The following NAV1 variants were observed in gnomAD, a reference collection of about 807,000 sequenced individuals.
The protein encoded by NAV1 is pore membrane and/or filament interacting like protein 3.
A neutral mutation model predicts 175.2 loss-of-function variants in NAV1; 18 were observed. The observed-to-expected ratio is 0.10, with a 90% CI of 0.07 to 0.15. The LOEUF (loss-of-function observed/expected upper bound fraction) is 0.15. Among genes scored for constraint, NAV1 ranks in the 10% least tolerant of loss-of-function variants. The pLI is 1.00. For synonymous variants in NAV1, 897 were observed against 978.7 expected (o/e 0.92, Z 1.56); for missense variants, 1,731 against 2,436.6 (o/e 0.71, Z 6.10).
At chr1:201,819,489 C>T (rs1188510400) in intron 29 of NAV1, among the ~76,000 whole-genome samples, 2 of 139,476 alleles carry the variant, frequency 1.4e-5, no homozygotes, top group South Asian at 2.2e-4. Context: ...CAGAGTCTTG[C>T]TCTTTCATCC....
chr1:201,804,570 C>A, intron 17 of NAV1, 73 bp downstream of exon 21: 4 of 1,042,022 alleles, frequency 3.8e-6, no homozygotes, highest in Middle Eastern at 2.1e-4. Context: ...CAGAGCAACT[C>A]CCTTCCCCTA....
At chr1:201,586,640 G>A (rs961072280) in intron 1 of NAV1, among the ~76,000 whole-genome samples, 1 of 152,122 alleles carries the variant, frequency 6.6e-6, no homozygotes, top group African/African-American at 2.4e-5. Context: ...ACACATGGGG[G>A]TGGGAGAGGA....
At chr1:201,684,543 C>G (rs1053080218) in intron 1 of NAV1, among the ~76,000 whole-genome samples, 2 of 144,082 alleles carry the variant, frequency 1.4e-5, no homozygotes, top group Admixed American at 1.4e-4. Flanking sequence ...GGCTTGATCT[C>G]GGCTCACTGC....
chr1:201,597,662 G>A (rs1434807426), intron 2 of NAV1, among the ~76,000 whole-genome samples: 1 of 152,230 alleles, frequency 6.6e-6, no homozygotes, highest in East Asian at 1.9e-4. Context: ...GGCCAAGCTG[G>A]GAGGACCTGA....
intron 2 of NAV1, among the ~76,000 whole-genome samples, chr1:201,639,339 T>C (rs1430198719): frequency 6.6e-6 from 1 of 152,182 alleles, no homozygotes; most frequent in African/African-American, 2.4e-5. Context: ...GTCAGAGATA[T>C]GCTTCTCTGC....
At chr1:201,802,473 A>AAAAAAAG (rs1677988292) in intron 15 of NAV1, among the ~76,000 whole-genome samples, 4 of 113,118 alleles carry the variant, frequency 3.5e-5, no homozygotes, top group Non-Finnish European at 5.5e-5. Context: ...AAAAAAAAAA[A>AAAAAAAG]AAAGAAAGAA....
Position 201,817,068 on chromosome 1 carries a change from A to C in NAV1, c.5341-20A>C. Reference sequence around the variant, plus strand: ...AATCTGTTAATTCCCCACAGTAATCATATTTCACCTTCTTTCCAGGTCCAT... The same window carrying C: ...AATCTGTTAATTCCCCACAGTAATCCTATTTCACCTTCTTTCCAGGTCCAT... On this transcript the variant is annotated intron_variant, in intron 28 of 29. Coordinates refer to ENST00000367296, the Ensembl canonical transcript of NAV1. The C allele has an allele frequency of 1.9e-6, 3 of 1,611,366 alleles. No homozygotes were observed. Among genetic ancestry groups the C allele is most frequent in the Non-Finnish European group, 2.5e-6 (3 of 1,178,152 alleles).
intron 2 of NAV1, among the ~76,000 whole-genome samples, chr1:201,717,039 C>T (rs1672168939): frequency 6.6e-6 from 1 of 152,236 alleles, no homozygotes; most frequent in Admixed American, 6.5e-5. Context: ...CTGCCAGGAC[C>T]CCAGCACACT....
intron 3 of NAV1, among the ~76,000 whole-genome samples, chr1:201,751,775 G>GT (rs1674123108): frequency 6.6e-6 from 1 of 152,186 alleles, no homozygotes; most frequent in African/African-American, 2.4e-5. Flanking sequence ...TTCTTCATCT[G>GT]TAAGTGGGCA....
At chr1:201,772,870 A>G (rs1675679199) in intron 3 of NAV1, among the ~76,000 whole-genome samples, 1 of 152,030 alleles carries the variant, frequency 6.6e-6, no homozygotes, top group African/African-American at 2.4e-5. Context: ...CGTCTCTACT[A>G]AAAATACAAA....
chr1:201,641,891 C>G (rs973603169), intron 2 of NAV1, among the ~76,000 whole-genome samples: 1 of 152,116 alleles, frequency 6.6e-6, no homozygotes, highest in Non-Finnish European at 1.5e-5. Flanking sequence ...CAAATCTCCC[C>G]TTCTCCCAAG....
chr1:201,809,069 G>T, intron 20 of NAV1, 95 bp from the exon 25 acceptor site: 1 of 1,375,040 alleles, frequency 7.3e-7, no homozygotes, highest in Non-Finnish European at 1.0e-6. Flanking sequence ...CTTCTCTGTG[G>T]CAAACAGAGT....
intron 1 of NAV1, among the ~76,000 whole-genome samples, chr1:201,665,506 G>A (rs1232085453): frequency 1.3e-5 from 2 of 151,940 alleles, no homozygotes; most frequent in Non-Finnish European, 2.9e-5. Context: ...GAAACCACTA[G>A]ATGCAGAATA....
chr1:201,744,324 T>G (rs539197235), intron 3 of NAV1, among the ~76,000 whole-genome samples: 575 of 148,314 alleles, frequency 3.9e-3, no homozygotes, highest in Middle Eastern at 0.017. Context: ...ATGTATTTAT[T>G]TATTTATTTA....
chr1:201,720,961 G>A (rs1672357211), intron 3 of NAV1, among the ~76,000 whole-genome samples: 1 of 151,368 alleles, frequency 6.6e-6, no homozygotes, highest in South Asian at 2.1e-4. Context: ...AGGCTGTGGG[G>A]GCATGGAATG....
chr1:201,604,513 C>T (rs1667615365), intron 2 of NAV1, among the ~76,000 whole-genome samples: 1 of 152,040 alleles, frequency 6.6e-6, no homozygotes, highest in South Asian at 2.1e-4. Flanking sequence ...GAAACCCCAT[C>T]TCTACTAAAA....
chr1:201,811,596 A>G lies in NAV1; in HGVS notation c.4798-7A>G, dbSNP rs1242952063. The G allele has an allele frequency of 3.7e-6, 6 of 1,614,058 alleles. No individual in the cohort carries two copies. In the South Asian group the frequency reaches 6.6e-5, roughly 18 times the overall value. Reference sequence around the variant, plus strand: ...AAGTGCTGACCCACAGCCTTCTTTTATTCCAGGATCTGCAACTGTATCTTT... The same window carrying G: ...AAGTGCTGACCCACAGCCTTCTTTTGTTCCAGGATCTGCAACTGTATCTTT... On this transcript the variant is annotated splice_region_variant and splice_polypyrimidine_tract_variant and intron_variant, in intron 24 of 29. Transcript: ENST00000367296.
At chr1:201,749,675 T>C (rs1038217295) in intron 3 of NAV1, among the ~76,000 whole-genome samples, 1 of 152,204 alleles carries the variant, frequency 6.6e-6, no homozygotes, top group Non-Finnish European at 1.5e-5. Context: ...AAAGACTATA[T>C]TGGAAGTTTC....
chr1:201,606,662 T>C (rs1027544079), intron 2 of NAV1, among the ~76,000 whole-genome samples: 1 of 152,238 alleles, frequency 6.6e-6, no homozygotes, highest in Non-Finnish European at 1.5e-5. Context: ...AGTTCACTTG[T>C]TATTATCTGT....
Sources: allele counts gnomAD v4.1 joint callset (sites outside exome capture counted in the v4.1 genomes callset), GRCh38; gene constraint gnomAD v4.1.1; transcripts MANE v1.5; gene names NCBI Gene and HGNC (gene_info 2026-07-23, HGNC 2026-07-21).